Variants in SORD observed in about 807,000 individuals in gnomAD.
SORD encodes the protein (R,R)-butanediol dehydrogenase.
In SORD, 18 loss-of-function variants were observed where a neutral mutation model predicts 35.6. The observed-to-expected ratio is 0.51, with a 90% CI of 0.35 to 0.75. SORD has a LOEUF of 0.75. Ranked by LOEUF, SORD falls within the 30% of genes least tolerant of loss-of-function variation. The pLI, the probability that SORD is intolerant of heterozygous loss-of-function variation, is 0.01. For missense variants in SORD, 250 were observed against 390.2 expected (o/e 0.64, Z 3.03); for synonymous variants, 106 against 152.9 (o/e 0.69, Z 2.26).
rs558977835 is a variant in SORD, at chr15:45,064,869, C to T, written c.426-402C>T. On this transcript the variant is annotated intron_variant, in intron 4 of 8. Transcript: ENST00000267814. ...AGCTTGGATAGCACATTAAAGAAAA[C>T]ATAATGTGTTCATTTCACTGAATTG... Among the ~76,000 whole-genome samples the T allele has an allele frequency of 7.9e-5, 12 of 152,312 alleles. No individual in the cohort carries two copies. In the East Asian group the frequency reaches 2.3e-3, roughly 29 times the overall value.
chr15:45,063,338 T>C (rs1309702594), intron 4 of SORD, among the ~76,000 whole-genome samples: 1 of 152,130 alleles, frequency 6.6e-6, no homozygotes, highest in Admixed American at 6.5e-5. Context: ...AACCCCATTG[T>C]AAAAACTACC....
intron 1 of SORD, among the ~76,000 whole-genome samples, chr15:45,038,786 G>C (rs1376365794): frequency 6.6e-6 from 1 of 152,164 alleles, no homozygotes; most frequent in African/African-American, 2.4e-5. Flanking sequence ...TAGTGCGGTG[G>C]GGCTGCCTAT....
chr15:45,058,177 G>A (rs529806097), intron 3 of SORD, among the ~76,000 whole-genome samples: 2 of 152,194 alleles, frequency 1.3e-5, no homozygotes, highest in African/African-American at 2.4e-5. Flanking sequence ...TCCTGGTGCC[G>A]ACACCGTGAT....
chr15:45,057,371 A>G (rs1055051280), intron 3 of SORD, among the ~76,000 whole-genome samples: 1 of 152,252 alleles, frequency 6.6e-6, no homozygotes, highest in Non-Finnish European at 1.5e-5. Context: ...CAGGGAAACA[A>G]CTTGAGATGA....
chr15:45,068,989 G>A lies in SORD; in HGVS notation c.723G>A (p.Gly241=). 6.2e-7 allele frequency: 1 copy of A among 1,610,802 alleles called. No homozygotes were observed. Among genetic ancestry groups the A allele is most frequent in the Non-Finnish European group, 8.5e-7 (1 of 1,179,142 alleles). ...EIARKVEGQL[G]CKPEVTIECT... ...CCAGGAAAGTAGAAGGTCAGCTGGG[G>A]TGCAAGCCGGAAGTCACCATCGAGT... Residue 241 remains glycine, a synonymous_variant, in exon 7 of 9, where the codon GGG becomes GGA. Transcript: ENST00000267814.
At chr15:45,039,206 G>A (rs1284813962) in intron 1 of SORD, among the ~76,000 whole-genome samples, 1 of 151,772 alleles carries the variant, frequency 6.6e-6, no homozygotes, top group Non-Finnish European at 1.5e-5. Flanking sequence ...TGGGCTCACT[G>A]CTACCTCCAT....
At position 45,036,049 on chromosome 15, in the gene SORD, G is replaced by A. The variant is rs1357820727; in HGVS notation, c.67-4359G>A. Among the ~76,000 whole-genome samples, 3 of 126,394 alleles carry A rather than the reference G, an allele frequency of 2.4e-5. No individual in the cohort carries two copies. The South Asian group carries it at 7.9e-4, about 33-fold the overall frequency. The allele number at this position is 126,394 out of a possible 152,430, so 82.9% of individuals were successfully genotyped here. A position where few individuals can be genotyped will look rare whatever the true frequency, so the allele number is the denominator to read the frequency against. On this transcript the variant is annotated intron_variant, in intron 1 of 8. Coordinates refer to ENST00000267814, the MANE Select transcript of SORD (RefSeq NM_003104.6). ...GGAACAAACAACTGCAGAAACGCTG[G>A]CTTAAGAGCTGTAACACTCACCGCG... is the stretch of plus-strand genomic sequence containing the variant.
chr15:45,025,338 G>C lies in SORD; in HGVS notation c.66+1989G>C, dbSNP rs576981463. ...GATGAGATCAGGTTTGAAAAGTTGA[G>C]TTTAAGATGTCTCTGGAGGCCAGGT... is the stretch of plus-strand genomic sequence containing the variant. On this transcript the variant is annotated intron_variant, in intron 1 of 8. Transcript: ENST00000267814. 2.0e-4 allele frequency among the ~76,000 whole-genome samples: 31 copies of C among 152,274 alleles called. No individual in the cohort carries two copies. The South Asian group carries it at 6.4e-3, about 32-fold the overall frequency.
At chr15:45,059,241 G>A (rs1343518772) in intron 3 of SORD, among the ~76,000 whole-genome samples, 2 of 152,024 alleles carry the variant, frequency 1.3e-5, no homozygotes, top group African/African-American at 4.8e-5. Flanking sequence ...GAGGCAGGAG[G>A]ACCACCTGAA....
chr15:45,056,550 G>A (rs981899964), intron 3 of SORD, among the ~76,000 whole-genome samples: 1 of 152,174 alleles, frequency 6.6e-6, no homozygotes, highest in African/African-American at 2.4e-5. Flanking sequence ...TCGTGAAAAT[G>A]GCCATACTGC....
rs1893177656 is a variant in SORD at position 45,054,327 on chromosome 15, G to A, written c.266-6740G>A. Among the ~76,000 whole-genome samples the A allele has an allele frequency of 2.6e-5, 4 of 151,748 alleles. No homozygotes were observed. In the South Asian group the frequency reaches 8.3e-4, roughly 32 times the overall value. ...ACCTGTTGTTTCCTGACTTTTTAAT[G>A]ATTGCCATTCTAACTGGTGTGAGAT... On this transcript the variant is annotated intron_variant, in intron 3 of 8. Coordinates refer to ENST00000267814, the MANE Select transcript of SORD (RefSeq NM_003104.6).
intron 3 of SORD, among the ~76,000 whole-genome samples, chr15:45,058,953 C>G (rs1441431693): frequency 6.6e-6 from 1 of 152,138 alleles, no homozygotes; most frequent in Non-Finnish European, 1.5e-5. Flanking sequence ...GCCTCCACCC[C>G]ACCCCATGCA....
chr15:45,068,112 T>C, intron 5 of SORD, 69 bp from the exon 6 acceptor site: 1 of 1,180,404 alleles, frequency 8.5e-7, no homozygotes, highest in Non-Finnish European at 1.3e-6. Context: ...TTCCTATCCA[T>C]GGCCTGGACA....
intron 5 of SORD, among the ~76,000 whole-genome samples, chr15:45,066,959 C>T (rs997323543): frequency 2.0e-5 from 3 of 152,172 alleles, no homozygotes; most frequent in Admixed American, 6.5e-5. Context: ...CCTGCAATCC[C>T]GTCACCGATT....
At chr15:45,068,488 A>G (rs1893447109) in intron 6 of SORD, among the ~76,000 whole-genome samples, 1 of 151,352 alleles carries the variant, frequency 6.6e-6, no homozygotes, top group African/African-American at 2.4e-5. Flanking sequence ...TATGGTGGAT[A>G]TGGGGGTATA....
At chr15:45,046,834 A>G (rs547556880) in intron 3 of SORD, among the ~76,000 whole-genome samples, 1 of 152,274 alleles carries the variant, frequency 6.6e-6, no homozygotes, top group Admixed American at 6.5e-5. Context: ...CCTGGTCAAC[A>G]TGGTGAAACC....
intron 1 of SORD, among the ~76,000 whole-genome samples, chr15:45,035,766 A>G (rs1339652748): frequency 1.3e-5 from 2 of 152,138 alleles, no homozygotes; most frequent in Admixed American, 6.5e-5. Flanking sequence ...TGCTGAAGCC[A>G]GCGAGACCAC....
intron 1 of SORD, among the ~76,000 whole-genome samples, chr15:45,028,883 G>A (rs759438214): frequency 5.3e-5 from 8 of 152,200 alleles, no homozygotes; most frequent in Non-Finnish European, 8.8e-5. Flanking sequence ...GGTGAGAAGC[G>A]GATGGTATAA....
chr15:45,050,723 A>C (rs1346470855), intron 3 of SORD: 1 of 152,254 alleles, frequency 6.6e-6, no homozygotes, highest in Non-Finnish European at 1.5e-5. Flanking sequence ...ATATTGCCAT[A>C]AATCAAGAAT....
Sources: gnomAD v4.1 joint callset for allele counts (sites outside exome capture counted in the v4.1 genomes callset) on GRCh38, gnomAD v4.1.1 for gene constraint, MANE v1.5 for transcripts, NCBI Gene and HGNC (gene_info 2026-07-23, HGNC 2026-07-21) for gene names.